The following RGL1 variants were observed in gnomAD, a reference collection of about 807,000 sequenced individuals.
RGL1 encodes the protein ral guanine nucleotide dissociation stimulator-like 1.
In RGL1, 24 loss-of-function variants were observed where a neutral mutation model predicts 95.2. The ratio of observed to expected loss-of-function variants is 0.25; its 90% CI spans 0.18 to 0.35. RGL1 has a LOEUF of 0.35. Ranked by LOEUF, RGL1 falls within the 10% of genes least tolerant of loss-of-function variation. The pLI is 1.00. For synonymous variants in RGL1, 329 were observed against 344.9 expected, an observed-to-expected ratio of 0.95 and a Z score of 0.51; for missense variants, 715 against 936.3, an observed-to-expected ratio of 0.76 and a Z score of 3.08.
At chr1:183,886,726 T>C (rs1667131015) in intron 7 of RGL1, among the ~76,000 whole-genome samples, 2 of 152,052 alleles carry the variant, frequency 1.3e-5, no homozygotes, top group African/African-American at 4.8e-5. Context: ...TGTAATAAAA[T>C]AATGAGGCTT....
intron 1 of RGL1, among the ~76,000 whole-genome samples, chr1:183,690,525 A>G (rs1653878268): frequency 6.6e-6 from 1 of 152,188 alleles, no homozygotes. Context: ...TCTTTCCCTG[A>G]AAGTGTATCA....
chr1:183,780,475 T>C (rs1659840668), intron 2 of RGL1, among the ~76,000 whole-genome samples: 2 of 152,198 alleles, frequency 1.3e-5, no homozygotes, highest in African/African-American at 4.8e-5. Context: ...TTAGAAATTA[T>C]CCAATAAGTC....
In RGL1 at chr1:183,724,981, A is replaced by ACACG. The variant is rs1457136942; in HGVS notation, c.-32-17144_-32-17143insACGC. 1.3e-5 allele frequency among the ~76,000 whole-genome samples: 2 copies of ACACG among 151,454 alleles called. No homozygotes were observed. Among genetic ancestry groups the ACACG allele is most frequent in the African/African-American group, 4.8e-5 (2 of 41,242 alleles). On this transcript the variant is annotated intron_variant, in intron 1 of 18. Transcript: ENST00000304685. The surrounding 1 kb of genome is among the most constrained non-coding windows in gnomAD (Gnocchi z 4.1). ...GGCACCACAACACACACACACACACACGGAGGGAAGAGGAGGAGGAGGAGA... is the reference window on the plus strand; with the variant it reads ...GGCACCACAACACACACACACACACACACGCGGAGGGAAGAGGAGGAGGAGGAGA...
In RGL1 at chr1:183,847,561, T is replaced by C. The variant is rs1482078862; in HGVS notation, c.139-5T>C. ...CCTTATGGTAATTGTTAATTTATTA[T>C]ACAGGTTGAAGGGGACCAGCTGCCT... On this transcript the variant is annotated splice_polypyrimidine_tract_variant and splice_region_variant and intron_variant, in intron 2 of 17. Coordinates refer to ENST00000360851, the MANE Select transcript of RGL1 (RefSeq NM_001297671.3). The C allele has an allele frequency of 1.2e-6, 2 of 1,610,370 alleles. No individual in the cohort carries two copies. Among genetic ancestry groups the C allele is most frequent in the Non-Finnish European group, 1.7e-6 (2 of 1,178,174 alleles).
chr1:183,907,107 T>C lies in RGL1; in HGVS notation c.1562+6T>C, dbSNP rs1572586461. The C allele has an allele frequency of 1.9e-6, 3 of 1,585,976 alleles. No homozygotes were observed. Among genetic ancestry groups the C allele is most frequent in the Non-Finnish European group, 1.7e-6 (2 of 1,156,764 alleles). On this transcript the variant is annotated splice_donor_region_variant and intron_variant, in intron 14 of 17. Coordinates refer to ENST00000360851, the MANE Select transcript of RGL1 (RefSeq NM_001297671.3). ...ATGGTGAAGAGACTCAGCCTGTGAG[T>C]GTCCCCTGGGGGTTCTGGGGCTCCA...
chr1:183,882,827 C>T (rs1293702340), intron 5 of RGL1, among the ~76,000 whole-genome samples: 2 of 152,168 alleles, frequency 1.3e-5, no homozygotes, highest in Admixed American at 1.3e-4. Context: ...GTCTTTAATT[C>T]TACAAAGAAA....
At chr1:183,801,614 T>C (rs1660997205), upstream of RGL1, among the ~76,000 whole-genome samples, 1 of 152,180 alleles carries the variant, frequency 6.6e-6, no homozygotes, top group Admixed American at 6.5e-5. Flanking sequence ...TTTATCTAAG[T>C]CCTTTGTGTT....
chr1:183,815,546 G>C (rs983800472), intron 2 of RGL1, among the ~76,000 whole-genome samples: 1 of 152,184 alleles, frequency 6.6e-6, no homozygotes, highest in Non-Finnish European at 1.5e-5. Context: ...CCTCCTGGCT[G>C]CTTTTCATTT....
At chr1:183,914,992 A>G (rs1221017817) in intron 15 of RGL1, among the ~76,000 whole-genome samples, 1 of 152,246 alleles carries the variant, frequency 6.6e-6, no homozygotes, top group African/African-American at 2.4e-5. Context: ...TGGGAACATA[A>G]GGAAGAAAAA....
At chr1:183,695,194 A>T (rs548307834) in intron 1 of RGL1, among the ~76,000 whole-genome samples, 2 of 152,358 alleles carry the variant, frequency 1.3e-5, no homozygotes, top group African/African-American at 4.8e-5. Context: ...CTTGACAGCG[A>T]GGATGCCAAA....
chr1:183,729,546 A>T (rs190558295), intron 1 of RGL1, among the ~76,000 whole-genome samples: 203 of 152,316 alleles, frequency 1.3e-3, no homozygotes, highest in South Asian at 3.5e-3. Flanking sequence ...TTGTACAACC[A>T]CTTTGGAAAA....
intron 1 of RGL1, among the ~76,000 whole-genome samples, chr1:183,673,785 T>A (rs931178056): frequency 6.6e-5 from 10 of 152,208 alleles, no homozygotes; most frequent in South Asian, 2.1e-4. Flanking sequence ...TTTGGGATCA[T>A]CCTCTTTTCC....
At chr1:183,861,942 A>G (rs1274920190) in intron 3 of RGL1, among the ~76,000 whole-genome samples, 7 of 152,240 alleles carry the variant, frequency 4.6e-5, no homozygotes, top group Non-Finnish European at 8.8e-5. Context: ...TTAATCTAGT[A>G]GTACTGACTG....
intron 15 of RGL1, among the ~76,000 whole-genome samples, chr1:183,915,177 T>A (rs903849234): frequency 3.9e-5 from 6 of 152,232 alleles, no homozygotes; most frequent in Admixed American, 2.6e-4. Flanking sequence ...AGACTCCATT[T>A]TAATCAGAAG....
chr1:183,703,289 G>T (rs895071549), intron 1 of RGL1, among the ~76,000 whole-genome samples: 1 of 152,190 alleles, frequency 6.6e-6, no homozygotes, highest in Non-Finnish European at 1.5e-5. Context: ...AATTTTGGGG[G>T]TATTTTTGAG....
rs556611749 is a variant in RGL1, at chr1:183,861,771, A to G, written c.348-4225A>G. Among the ~76,000 whole-genome samples, 3 of 152,364 alleles carry G rather than the reference A, an allele frequency of 2.0e-5. No homozygotes were observed. In the East Asian group the frequency reaches 5.8e-4, roughly 29 times the overall value. On this transcript the variant is annotated intron_variant, in intron 3 of 17. Coordinates refer to ENST00000360851, the MANE Select transcript of RGL1 (RefSeq NM_001297671.3). Reference sequence around the variant, plus strand: ...AGGCTTTGCAGAAATTGGACACGACATCGTTGACAGGTTTGTTGGTAGCTA... The same window carrying G: ...AGGCTTTGCAGAAATTGGACACGACGTCGTTGACAGGTTTGTTGGTAGCTA...
chr1:183,805,103 C>A, upstream of RGL1: 1 of 557,172 alleles, frequency 1.8e-6, no homozygotes, highest in Non-Finnish European at 2.8e-6. Context: ...TGCTCGCTCG[C>A]TCGCCGCGCT....
At chr1:183,904,994 G>C (rs201056901) in intron 13 of RGL1, 23 bp downstream of exon 13, 1 of 1,599,230 alleles carries the variant, frequency 6.3e-7, no homozygotes. Flanking sequence ...GTCGTTCATC[G>C]GGGTAGAACT....
intron 1 of RGL1, among the ~76,000 whole-genome samples, chr1:183,699,273 A>T (rs1654442010): frequency 6.6e-6 from 1 of 152,234 alleles, no homozygotes; most frequent in Admixed American, 6.5e-5. Flanking sequence ...TTTAAATACT[A>T]CTGGTCCAGA....
Sources: allele counts gnomAD v4.1 joint callset (sites outside exome capture counted in the v4.1 genomes callset), GRCh38; gene constraint gnomAD v4.1.1; non-coding constraint Gnocchi (gnomAD v3.1); transcripts MANE v1.5; gene names NCBI Gene and HGNC (gene_info 2026-07-23, HGNC 2026-07-21).